The following HLTF variants were observed in gnomAD, a reference collection of about 807,000 sequenced individuals.
HLTF encodes the protein DNA-dependent ATPase/E3 ubiquitin-protein ligase HLTF.
Under a neutral mutation model 129.4 loss-of-function variants are expected in HLTF, and 127 were observed. The observed-to-expected ratio is 0.98, with a 90% CI of 0.85 to 1.14. The LOEUF is 1.14. Ranked by LOEUF, HLTF falls within the 50% of genes most tolerant of loss-of-function variation. HLTF has a pLI of 0.00. For missense variants in HLTF, 1,139 were observed against 1,187.1 expected, an observed-to-expected ratio of 0.96 and a Z score of 0.60; for synonymous variants, 332 against 388.8, an observed-to-expected ratio of 0.85 and a Z score of 1.72.
In HLTF at chr3:149,077,247, AAAATAAATAAATAAATAAAT is replaced by A. The variant is rs201554369; in HGVS notation, c.229-1220_229-1201del. The stretch of plus-strand genomic sequence containing the variant: ...TGGTGACAGAGCGAGACTTCATCTC[AAAATAAATAAATAAATAAAT>A]AAATAAATAAATAAATAAATAAATA... On this transcript the variant is annotated intron_variant, in intron 2 of 24. Transcript: ENST00000310053. 1.2e-4 allele frequency among the ~76,000 whole-genome samples: 17 copies of A among 144,150 alleles called. No homozygotes were observed. The East Asian group carries it at 1.2e-3, about 10-fold the overall frequency. The allele number at this position is 144,150 out of a possible 152,430, so 94.6% of individuals were successfully genotyped here. A position where few individuals can be genotyped will look rare whatever the true frequency, so the allele number is the denominator to read the frequency against.
At position 149,086,470 on chromosome 3, in the gene HLTF, G is replaced by C. The variant is rs533866025; in HGVS notation, c.-134C>G. ...TCCGAGCGCCGGATCAGGAGCGCAC[G>C]ACTGAAAGGTAAGTCGCCGCGAGTC... On this transcript the variant is annotated 5_prime_UTR_variant, in exon 1 of 25. Coordinates refer to ENST00000310053, the MANE Select transcript of HLTF (RefSeq NM_003071.4). 1.0e-6 allele frequency: 1 copy of C among 1,001,440 alleles called. No homozygotes were observed. Among genetic ancestry groups the C allele is most frequent in the African/African-American group, 1.6e-5 (1 of 61,372 alleles). 62.0% of individuals were successfully genotyped at this position (1,001,440 alleles called of 1,614,324 possible).
intron 13 of HLTF, chr3:149,059,448 G>A (rs1039386127): frequency 8.3e-6 from 4 of 480,862 alleles, no homozygotes; most frequent in South Asian, 5.9e-5. Context: ...ATTGCTTTGT[G>A]CCATCACTAG....
intron 8 of HLTF, among the ~76,000 whole-genome samples, chr3:149,065,899 A>C (rs2108030501): frequency 6.6e-6 from 1 of 152,340 alleles, no homozygotes; most frequent in Admixed American, 6.5e-5. Context: ...TTAATGTCTA[A>C]GCATTAGCTC....
At chr3:149,071,497 G>A in intron 6 of HLTF, 54 bp from the exon 7 acceptor site, 1 of 1,498,300 alleles carries the variant, frequency 6.7e-7, no homozygotes, top group Non-Finnish European at 9.2e-7. Flanking sequence ...TTTTTCACAT[G>A]CAGATCCTGT....
chr3:149,073,159 C>A (rs1719020884), intron 5 of HLTF, 66 bp downstream of exon 5: 2 of 1,056,108 alleles, frequency 1.9e-6, no homozygotes, highest in Admixed American at 2.3e-5. Context: ...TCATCCTGTT[C>A]TTTTAAATAC....
rs766833541 is a variant in HLTF at position 149,039,206 on chromosome 3, C to T, written c.2639G>A (p.Arg880His). 27 of 1,582,034 alleles carry T rather than the reference C, an allele frequency of 1.7e-5. No individual in the cohort carries two copies. The highest frequency in any genetic ancestry group is 1.7e-4 in the Admixed American group (9 of 54,516). ...CTTTTGGGCCATGGAACCATCCAAA[C>T]GAGTAAACACAAATCCAGAGGCTCT... ...PLKASGFVFT[R>H]LDGSMAQKKR... Residue 880 changes from arginine (R) to histidine (H), a missense_variant, in exon 23 of 25, where the codon CGT becomes CAT. By Grantham distance (29) the Arg-to-His change is conservative. Transcript: ENST00000310053.
Position 149,075,928 on chromosome 3 carries a change from T to A in HLTF, c.348A>T (p.Ala116=). The change falls in exon 3 of 25, where the codon GCA becomes GCT. Residue 116 remains alanine (A), a synonymous_variant. Transcript: ENST00000310053. The stretch of plus-strand genomic sequence containing the variant: ...TGTCCATGATATAGGCCAAAGCACC[T>A]GCAAGCTCTTTCTTTAAATGGCCAA... ...NQVGHLKKEL[A]GALAYIMDNK... 6.2e-7 allele frequency: 1 copy of A among 1,608,748 alleles called. No homozygotes were observed. The highest frequency in any genetic ancestry group is 8.5e-7 in the Non-Finnish European group (1 of 1,175,888).
chr3:149,074,184 A>G, intron 4 of HLTF, 31 bp downstream of exon 4: 1 of 1,584,768 alleles, frequency 6.3e-7, no homozygotes, highest in East Asian at 2.2e-5. Flanking sequence ...TTACAATATC[A>G]GAATAATATT....
intron 14 of HLTF, among the ~76,000 whole-genome samples, chr3:149,052,339 AAGAC>A (rs1717070708): frequency 6.6e-6 from 1 of 152,082 alleles, no homozygotes; most frequent in South Asian, 2.1e-4. Flanking sequence ...AACCAGAACA[AAGAC>A]AGAGAAAAAG....
At chr3:149,069,292 T>A (rs141740731) in intron 7 of HLTF, among the ~76,000 whole-genome samples, 2,029 of 152,086 alleles carry the variant, frequency 0.013, 53 homozygotes, top group African/African-American at 0.047. Context: ...ACCAACACGG[T>A]GAAACCCCGT....
At chr3:149,064,196 A>G (rs990934643) in intron 9 of HLTF, among the ~76,000 whole-genome samples, 1 of 151,848 alleles carries the variant, frequency 6.6e-6, no homozygotes, top group Non-Finnish European at 1.5e-5. Context: ...AATCAAAAAC[A>G]AAAAAAACCT....
chr3:149,044,403 A>G (rs183617086), intron 18 of HLTF, among the ~76,000 whole-genome samples: 10 of 152,282 alleles, frequency 6.6e-5, no homozygotes, highest in Admixed American at 6.5e-4. Context: ...GATACTCAGC[A>G]TTTCAATTTA....
At chr3:149,085,201 C>T (rs1720250810) in intron 1 of HLTF, among the ~76,000 whole-genome samples, 1 of 152,146 alleles carries the variant, frequency 6.6e-6, no homozygotes, top group Non-Finnish European at 1.5e-5. Flanking sequence ...TCTGTAACTA[C>T]AATTATGGGC....
chr3:149,051,777 T>TGA (rs1462610072), intron 14 of HLTF, among the ~76,000 whole-genome samples: 1 of 151,778 alleles, frequency 6.6e-6, no homozygotes, highest in Non-Finnish European at 1.5e-5. Context: ...GGCTAAGGCA[T>TGA]GAGAATCACT....
intron 8 of HLTF, among the ~76,000 whole-genome samples, chr3:149,065,816 AAAATT>A (rs1718331231): frequency 6.6e-6 from 1 of 152,164 alleles, no homozygotes; most frequent in Non-Finnish European, 1.5e-5. Flanking sequence ...CTCAAAAAAT[AAAATT>A]AAATTAATTT....
intron 24 of HLTF, among the ~76,000 whole-genome samples, chr3:149,033,555 AAAG>A (rs1715319126): frequency 6.6e-6 from 1 of 152,130 alleles, no homozygotes; most frequent in Non-Finnish European, 1.5e-5. Context: ...AAGAAAAGGA[AAAG>A]AGATCAATGG....
At chr3:149,058,934 G>A (rs1717695536) in intron 13 of HLTF, among the ~76,000 whole-genome samples, 1 of 152,046 alleles carries the variant, frequency 6.6e-6, no homozygotes, top group South Asian at 2.1e-4. Context: ...CTAAAATTAG[G>A]GTAAAGAATA....
intron 3 of HLTF, among the ~76,000 whole-genome samples, chr3:149,074,562 A>C (rs1719174957): frequency 6.6e-6 from 1 of 152,220 alleles, no homozygotes; most frequent in Non-Finnish European, 1.5e-5. Flanking sequence ...GCCAGAAAAA[A>C]TTGAGAAAAT....
At position 149,039,068 on chromosome 3, in the gene HLTF, C is replaced by T. The variant is rs747207862; in HGVS notation, c.2777G>A (p.Arg926Gln). Residue 926 changes from arginine (R) to glutamine (Q), a missense_variant, in exon 23 of 25, where the codon CGA becomes CAA. Arg to Gln is a conservative substitution (Grantham distance 43). Transcript: ENST00000310053. ...GVGLNLSAASRVFLMDPAWNP... is the reference protein window; with the variant it reads ...GVGLNLSAASQVFLMDPAWNP... ...ACTTACTGGATCCATTAAAAACACT[C>T]GAGAAGCTGCAGACAGATTCAAACC... 141 of 1,581,668 alleles carry T rather than the reference C, an allele frequency of 8.9e-5. No individual in the cohort carries two copies. Among genetic ancestry groups the T allele is most frequent in the Non-Finnish European group, 1.1e-4 (126 of 1,167,138 alleles).
Sources: allele counts gnomAD v4.1 joint callset (sites outside exome capture counted in the v4.1 genomes callset), GRCh38; gene constraint gnomAD v4.1.1; transcripts MANE v1.5; gene names NCBI Gene and HGNC (gene_info 2026-07-23, HGNC 2026-07-21).